The following SEMA5A variants were observed in gnomAD, a reference collection of about 807,000 sequenced individuals.
SEMA5A encodes semaphorin-5A.
A neutral mutation model predicts 135.5 loss-of-function variants in SEMA5A; 55 were observed. That is an observed-to-expected ratio of 0.41 (90% CI 0.33 to 0.51). The LOEUF (loss-of-function observed/expected upper bound fraction) is 0.51. Among genes scored for constraint, SEMA5A ranks in the 20% least tolerant of loss-of-function variants. The pLI is 0.37. For missense variants in SEMA5A, 1,290 were observed against 1,419.9 expected (o/e 0.91, Z 1.47); for synonymous variants, 580 against 546.5 (o/e 1.06, Z -0.85).
rs117936488 is a variant in SEMA5A at position 9,185,456 on chromosome 5, A to C, written c.1273+4811T>G. On this transcript the variant is annotated intron_variant, in intron 11 of 22. Coordinates refer to ENST00000382496, the MANE Select transcript of SEMA5A (RefSeq NM_003966.3). ...AGTTTGAAATGAAAAACAATGATTCAAAATGTGTGTGTGTATGTCTTCTTC... is the reference window on the plus strand; with the variant it reads ...AGTTTGAAATGAAAAACAATGATTCCAAATGTGTGTGTGTATGTCTTCTTC... Among the ~76,000 whole-genome samples, 121 of 152,332 alleles carry C rather than the reference A, an allele frequency of 7.9e-4. No individual in the cohort carries two copies. The East Asian group carries it at 0.02, about 26-fold the overall frequency.
intron 6 of SEMA5A, among the ~76,000 whole-genome samples, chr5:9,227,836 C>T (rs990076826): frequency 2.0e-5 from 3 of 152,138 alleles, no homozygotes; most frequent in Non-Finnish European, 4.4e-5. Context: ...AGGCGTGAGC[C>T]GCCACGCCCG....
chr5:9,063,128 G>A (rs1159491870), intron 17 of SEMA5A, 23 bp from the exon 18 acceptor site: 10 of 1,590,076 alleles, frequency 6.3e-6, no homozygotes, highest in Non-Finnish European at 8.6e-6. Flanking sequence ...CAGGTGAAGT[G>A]TGATTCTGTT....
intron 5 of SEMA5A, among the ~76,000 whole-genome samples, chr5:9,260,919 A>G (rs1749345378): frequency 1.0e-5 from 1 of 96,222 alleles, no homozygotes; most frequent in African/African-American, 3.5e-5. Context: ...GAAGGAAATA[A>G]AGGGCATTCA....
At chr5:9,280,862 A>G in intron 5 of SEMA5A, 1 of 407,244 alleles carries the variant, frequency 2.5e-6, no homozygotes, top group South Asian at 1.9e-5. Flanking sequence ...GCAAATAACA[A>G]TAAATAATTG....
At chr5:9,231,736 C>A (rs1334014686) in intron 6 of SEMA5A, among the ~76,000 whole-genome samples, 1 of 152,148 alleles carries the variant, frequency 6.6e-6, no homozygotes, top group South Asian at 2.1e-4. Context: ...TATAAATCAG[C>A]ATACTTAAAT....
At chr5:9,352,484 A>G (rs1431699714) in intron 3 of SEMA5A, among the ~76,000 whole-genome samples, 1 of 152,090 alleles carries the variant, frequency 6.6e-6, no homozygotes, top group East Asian at 1.9e-4. Context: ...TCCCAGGCTC[A>G]AGAGATCCAC....
intron 5 of SEMA5A, among the ~76,000 whole-genome samples, chr5:9,313,049 A>G (rs1251174988): frequency 2.0e-5 from 3 of 152,154 alleles, no homozygotes; most frequent in African/African-American, 7.2e-5. Context: ...TGGCTGCTGG[A>G]TGGAAAATAC....
chr5:9,449,246 G>A (rs1045236979), intron 1 of SEMA5A, among the ~76,000 whole-genome samples: 1 of 152,170 alleles, frequency 6.6e-6, no homozygotes, highest in Non-Finnish European at 1.5e-5. Context: ...CATTAAAAGG[G>A]ACGAGATCAT....
rs11741172 is a variant in SEMA5A at position 9,044,535 on chromosome 5, G to A, written c.2943C>T (p.Leu981=). ...AGACGAGCAGGGTGAGGAGGCAGCC[G>A]AGGATGGAGCTGCTCAGCCCCACGG... ...MIAVGLSSSI[L]GCLLTLLVYT... is the part of the protein sequence containing the mutation. Residue 981 remains leucine, a synonymous_variant, in exon 22 of 23, where the codon CTC becomes CTT. Transcript: ENST00000382496. 0.019 allele frequency: 30,298 copies of A among 1,613,750 alleles called. 398 individuals carry two copies. Among genetic ancestry groups the A allele is most frequent in the Non-Finnish European group, 0.023 (26,985 of 1,179,778 alleles).
chr5:9,052,996 A>G (rs1579308015), intron 19 of SEMA5A, among the ~76,000 whole-genome samples: 1 of 152,248 alleles, frequency 6.6e-6, no homozygotes, highest in African/African-American at 2.4e-5. Context: ...GAAATGCAGA[A>G]AGTGCCAGTT....
In SEMA5A at chr5:9,439,100, T is replaced by G. The variant is rs537763142; in HGVS notation, c.-174-1248A>C. 1.1e-3 allele frequency among the ~76,000 whole-genome samples: 167 copies of G among 152,192 alleles called. 2 individuals carry two copies. The highest frequency in any genetic ancestry group is 0.011 in the Admixed American group (161 of 15,300). The stretch of plus-strand genomic sequence containing the variant: ...CGCCCCAGCAGCCCAGGCACCCTCA[T>G]ATCGTGCAGCACGGCCAATCCTCCA... On this transcript the variant is annotated intron_variant, in intron 1 of 22. Transcript: ENST00000382496.
intron 11 of SEMA5A, among the ~76,000 whole-genome samples, chr5:9,186,325 A>G (rs1329105515): frequency 6.6e-6 from 1 of 152,196 alleles, no homozygotes; most frequent in East Asian, 1.9e-4. Context: ...CAGATGAACT[A>G]CACCAGCAAG....
chr5:9,137,003 ATTTG>A (rs1741795033), intron 12 of SEMA5A, among the ~76,000 whole-genome samples: 2 of 152,192 alleles, frequency 1.3e-5, no homozygotes, highest in Non-Finnish European at 1.5e-5. Flanking sequence ...AACATGTATT[ATTTG>A]TTTAACACCT....
Position 9,198,507 on chromosome 5 carries a change from C to G in SEMA5A, c.933-1204G>C, listed in dbSNP as rs547254039. On this transcript the variant is annotated intron_variant, in intron 9 of 22. Transcript: ENST00000382496. Reference sequence around the variant, plus strand: ...TTGCAATATCTGTGGGTGAAGTAGACAGGATTCTACTTCAGGAGAGCAGAC... The same window carrying G: ...TTGCAATATCTGTGGGTGAAGTAGAGAGGATTCTACTTCAGGAGAGCAGAC... Among the ~76,000 whole-genome samples the G allele has an allele frequency of 2.1e-4, 32 of 152,216 alleles. No homozygotes were observed. In the South Asian group the frequency reaches 6.4e-3, roughly 31 times the overall value.
At position 9,122,724 on chromosome 5, in the gene SEMA5A, G is replaced by A; in HGVS notation, c.1713C>T (p.Asp571=). 6.2e-7 allele frequency: 1 copy of A among 1,613,698 alleles called. No homozygotes were observed. The highest frequency in any genetic ancestry group is 8.5e-7 in the Non-Finnish European group (1 of 1,179,886). The part of the protein sequence containing the change: ...GSCLCRTRSC[D]SPAPQCGGWQ... The stretch of plus-strand genomic sequence containing the variant: ...AGCCACCACACTGCGGGGCCGGGCT[G>A]TCGCAGGAGCGGGTTCGACAGAGGC... The change falls in exon 14 of 23, where the codon GAC becomes GAT. Residue 571 remains aspartate, a synonymous_variant. Transcript: ENST00000382496.
At chr5:9,462,710 C>A (rs1300081811) in intron 1 of SEMA5A, among the ~76,000 whole-genome samples, 3 of 152,068 alleles carry the variant, frequency 2.0e-5, no homozygotes, top group Admixed American at 1.3e-4. Context: ...TTATCCTTAG[C>A]AAACCAACAC....
intron 1 of SEMA5A, among the ~76,000 whole-genome samples, chr5:9,529,967 T>A (rs560505947): frequency 1.3e-5 from 2 of 152,294 alleles, no homozygotes; most frequent in African/African-American, 4.8e-5. Context: ...CCGAAAGGTG[T>A]CACGTGGAAA....
intron 12 of SEMA5A, among the ~76,000 whole-genome samples, chr5:9,139,546 T>C (rs1741949497): frequency 6.6e-6 from 1 of 152,238 alleles, no homozygotes; most frequent in Admixed American, 6.5e-5. Flanking sequence ...TTTTAAACAT[T>C]TGCATTTTCC....
At chr5:9,289,815 C>T (rs978885031) in intron 5 of SEMA5A, among the ~76,000 whole-genome samples, 1 of 151,842 alleles carries the variant, frequency 6.6e-6, no homozygotes, top group Admixed American at 6.6e-5. Flanking sequence ...ATATCTTGTG[C>T]TCAAAAATTT....
Sources: gnomAD v4.1 joint callset for allele counts (sites outside exome capture counted in the v4.1 genomes callset) on GRCh38, gnomAD v4.1.1 for gene constraint, MANE v1.5 for transcripts, NCBI Gene and HGNC (gene_info 2026-07-23, HGNC 2026-07-21) for gene names.